The following FBN2 variants were observed in gnomAD, a reference collection of about 807,000 sequenced individuals.
FBN2 encodes fibrillin 2.
A neutral mutation model predicts 355.6 loss-of-function variants in FBN2; 105 were observed. The observed-to-expected ratio is 0.30, with a 90% CI of 0.25 to 0.35. The LOEUF is 0.35. FBN2 is among the 10% of genes least tolerant of loss of function. The pLI is 1.00. For missense variants in FBN2, 3,280 were observed against 3,758.7 expected, an observed-to-expected ratio of 0.87 and a Z score of 3.33; for synonymous variants, 1,350 against 1,301.2, an observed-to-expected ratio of 1.04 and a Z score of -0.81.
rs749647897 is a variant in FBN2 at position 128,301,395 on chromosome 5, G to A, written c.6033C>T (p.Gly2011=). The A allele has an allele frequency of 1.2e-6, 2 of 1,613,066 alleles. No homozygotes were observed. The highest frequency in any genetic ancestry group is 1.7e-6 in the Non-Finnish European group (2 of 1,179,272). The part of the protein sequence containing the change: ...CNEGYELTPD[G]KNCIDTNECV... Reference sequence around the variant, plus strand: ...TTAAATACTTACCTATACAGTTTTTGCCATCTGGGGTAAGTTCATAACCTT... The same window carrying A: ...TTAAATACTTACCTATACAGTTTTTACCATCTGGGGTAAGTTCATAACCTT... The change falls in exon 47 of 65, where the codon GGC becomes GGT. Residue 2011 remains glycine (G), a synonymous_variant. Coordinates refer to ENST00000262464, the MANE Select transcript of FBN2 (RefSeq NM_001999.4).
intron 48 of FBN2, among the ~76,000 whole-genome samples, chr5:128,295,078 T>A (rs1749464393): frequency 6.6e-6 from 1 of 150,800 alleles, no homozygotes; most frequent in African/African-American, 2.4e-5. Flanking sequence ...CCCAGCACCA[T>A]TTATTAAATA....
At chr5:128,276,259 G>T in intron 58 of FBN2, 99 bp from the exon 59 acceptor site, 1 of 1,319,068 alleles carries the variant, frequency 7.6e-7, no homozygotes, top group Non-Finnish European at 1.1e-6. Context: ...TGTTTTTCCT[G>T]TTCAACTTAA....
At position 128,349,936 on chromosome 5, in the gene FBN2, C is replaced by G; in HGVS notation, c.2863+19G>C. ...TGCTCAAAAGATGTATAGTATCTTC[C>G]AAGGAAGGATACACTCACCTTCACA... On this transcript the variant is annotated intron_variant, in intron 22 of 64. Transcript: ENST00000262464. 1 of 1,594,114 alleles carries G rather than the reference C, an allele frequency of 6.3e-7. No individual in the cohort carries two copies. The highest frequency in any genetic ancestry group is 1.7e-5 in the Admixed American group (1 of 59,988).
At chr5:128,310,895 CCTTTGAA>C in intron 39 of FBN2, among the ~76,000 whole-genome samples, 1 of 152,144 alleles carries the variant, frequency 6.6e-6, no homozygotes, top group East Asian at 1.9e-4. Context: ...AGCTGCATAA[CCTTTGAA>C]CTTCTTCATA....
At chr5:128,490,898 T>G (rs72785149) in intron 5 of FBN2, among the ~76,000 whole-genome samples, 8,751 of 152,296 alleles carry the variant, frequency 0.057, 340 homozygotes, top group South Asian at 0.087. Context: ...ATCAATTTCT[T>G]AACCAGTAAT....
intron 7 of FBN2, among the ~76,000 whole-genome samples, chr5:128,440,251 T>C (rs944978962): frequency 6.6e-6 from 1 of 152,168 alleles, no homozygotes; most frequent in African/African-American, 2.4e-5. Context: ...CTTTAGACTA[T>C]TGCTACTGAC....
At chr5:128,299,070 A>C (rs1749626756) in intron 48 of FBN2, among the ~76,000 whole-genome samples, 2 of 152,086 alleles carry the variant, frequency 1.3e-5, no homozygotes, top group South Asian at 4.1e-4. Flanking sequence ...CCTCAGCTGC[A>C]GGTCTGTTGG....
chr5:128,342,833 A>T (rs1751063113), intron 25 of FBN2, among the ~76,000 whole-genome samples: 1 of 151,658 alleles, frequency 6.6e-6, no homozygotes, highest in Admixed American at 6.6e-5. Flanking sequence ...GGTTTAAGCG[A>T]TCCTCCTGCC....
At position 128,318,251 on chromosome 5, in the gene FBN2, G is replaced by C. The variant is rs761783629; in HGVS notation, c.4615C>G (p.Pro1539Ala). The C allele has an allele frequency of 1.8e-5, 29 of 1,614,008 alleles. No individual in the cohort carries two copies. Among genetic ancestry groups the C allele is most frequent in the Non-Finnish European group, 2.5e-5 (29 of 1,179,936 alleles). Residue 1539 changes from proline (P) to alanine (A), a missense_variant, in exon 36 of 65, where the codon CCT (proline) becomes GCT (alanine). Pro to Ala is a conservative substitution (Grantham distance 27). This residue lies in a region of FBN2 where 2,284 missense variants were observed against 2,749.5 expected (regional missense o/e 0.83). Coordinates refer to ENST00000262464, the MANE Select transcript of FBN2 (RefSeq NM_001999.4). ...CATAGGCCATTGACACAGTTTATAG[G>C]ATCTGCACACTCATCAATATCTAGG... ...NCTDIDECADPINCVNGLCVN... is the reference protein window; with the variant it reads ...NCTDIDECADAINCVNGLCVN...
intron 24 of FBN2, among the ~76,000 whole-genome samples, chr5:128,344,737 G>A (rs1385064935): frequency 1.4e-5 from 2 of 139,064 alleles, no homozygotes; most frequent in African/African-American, 5.4e-5. Flanking sequence ...TTTCACTGTT[G>A]TTGCCCAGGC....
chr5:128,388,802 T>A (rs1025643298), intron 11 of FBN2, among the ~76,000 whole-genome samples: 3 of 152,156 alleles, frequency 2.0e-5, no homozygotes, highest in African/African-American at 7.2e-5. Flanking sequence ...GAGAATCTGA[T>A]GATTGTATGT....
At chr5:128,408,415 T>A (rs1752985689) in intron 8 of FBN2, among the ~76,000 whole-genome samples, 1 of 152,186 alleles carries the variant, frequency 6.6e-6, no homozygotes, top group African/African-American at 2.4e-5. Context: ...TTTTAAAAAA[T>A]TTTTCTCGTG....
chr5:128,276,237 C>T, intron 58 of FBN2, 77 bp from the exon 59 acceptor site: 1 of 1,473,088 alleles, frequency 6.8e-7, no homozygotes. Context: ...CATATTCTCA[C>T]TTCATTCTTT....
At chr5:128,349,887 A>G in intron 22 of FBN2, 68 bp downstream of exon 22, 1 of 1,187,340 alleles carries the variant, frequency 8.4e-7, no homozygotes, top group Non-Finnish European at 1.3e-6. Flanking sequence ...CCAAAGTTTG[A>G]GAGTGAATGT....
intron 5 of FBN2, among the ~76,000 whole-genome samples, chr5:128,509,935 C>A (rs1316203010): frequency 2.0e-5 from 3 of 152,128 alleles, no homozygotes; most frequent in Non-Finnish European, 4.4e-5. Flanking sequence ...CCTTTCACTC[C>A]TTTCAAGCAG....
chr5:128,334,754 C>T lies in FBN2; in HGVS notation c.4064G>A (p.Gly1355Asp). ...KGSFICHCQLGYSVKKGTTGC... is the reference protein window; with the variant it reads ...KGSFICHCQLDYSVKKGTTGC... ...TGTGGTCCCCTTCTTCACTGAGTAA[C>T]CCAGCTGACAGTGGCAAATGAAGGA... is the stretch of plus-strand genomic sequence containing the variant. The change falls in exon 31 of 65, where the codon GGT becomes GAT. Residue 1355 changes from glycine to aspartate, a missense_variant. Coordinates refer to ENST00000262464, the MANE Select transcript of FBN2 (RefSeq NM_001999.4). The T allele has an allele frequency of 1.2e-6, 2 of 1,614,108 alleles. No individual in the cohort carries two copies. Among genetic ancestry groups the T allele is most frequent in the Non-Finnish European group, 8.5e-7 (1 of 1,179,926 alleles).
chr5:128,268,329 A>G (rs538768605), intron 62 of FBN2, among the ~76,000 whole-genome samples: 1 of 152,334 alleles, frequency 6.6e-6, no homozygotes, highest in South Asian at 2.1e-4. Context: ...ACCAGGAAGA[A>G]GTCGAATCCC....
At chr5:128,286,597 C>A (rs1749151505) in intron 55 of FBN2, 121 bp downstream of exon 55, 2 of 1,165,870 alleles carry the variant, frequency 1.7e-6, no homozygotes, top group Admixed American at 3.5e-5. Context: ...CTAGCTGTAT[C>A]ACTGCCTTAA....
chr5:128,405,483 G>T (rs1189677189), intron 8 of FBN2, among the ~76,000 whole-genome samples: 6 of 152,010 alleles, frequency 3.9e-5, no homozygotes, highest in Non-Finnish European at 2.9e-5. Context: ...ATAATTTTTT[G>T]GTAAATCAAA....
Sources: allele counts gnomAD v4.1 joint callset (sites outside exome capture counted in the v4.1 genomes callset), GRCh38; gene constraint gnomAD v4.1.1; regional missense constraint gnomAD v4.1.1; transcripts MANE v1.5; gene names NCBI Gene and HGNC (gene_info 2026-07-23, HGNC 2026-07-21).